Variants in LRRTM4 observed in about 807,000 individuals in gnomAD.
LRRTM4 encodes leucine-rich repeat transmembrane neuronal protein 4.
A neutral mutation model predicts 47.6 loss-of-function variants in LRRTM4; 25 were observed. That is an observed-to-expected ratio of 0.53 (90% confidence interval 0.38 to 0.73). LRRTM4 has a LOEUF of 0.73. LRRTM4 is among the 30% of genes least tolerant of loss of function. The pLI, the probability that LRRTM4 is intolerant of heterozygous loss-of-function variation, is 0.00. For missense variants in LRRTM4, 638 were observed against 713.4 expected (o/e 0.89, Z 1.20); for synonymous variants, 311 against 269.5 (o/e 1.15, Z -1.51).
intron 3 of LRRTM4, among the ~76,000 whole-genome samples, chr2:76,811,576 G>T (rs1024617807): frequency 1.3e-5 from 2 of 152,124 alleles, no homozygotes; most frequent in Admixed American, 1.3e-4. Context: ...TCAGTCAGGA[G>T]GTCTACCTTG....
intron 3 of LRRTM4, among the ~76,000 whole-genome samples, chr2:77,147,821 C>T (rs1238223302): frequency 1.3e-5 from 2 of 151,994 alleles, no homozygotes; most frequent in Admixed American, 6.6e-5. Flanking sequence ...AGAGATTATG[C>T]CAAATATGTA....
intron 3 of LRRTM4, among the ~76,000 whole-genome samples, chr2:77,427,811 C>T (rs1675181999): frequency 6.6e-6 from 1 of 152,136 alleles, no homozygotes; most frequent in Non-Finnish European, 1.5e-5. Context: ...ATCAATGTTA[C>T]TAATATTTAG....
chr2:77,308,371 A>T (rs981060491), intron 3 of LRRTM4, among the ~76,000 whole-genome samples: 5 of 152,032 alleles, frequency 3.3e-5, no homozygotes, highest in African/African-American at 1.2e-4. Flanking sequence ...TCTTGTCATG[A>T]TTATTACATT....
chr2:77,282,961 C>T (rs1303043614), intron 3 of LRRTM4, among the ~76,000 whole-genome samples: 2 of 151,710 alleles, frequency 1.3e-5, no homozygotes, highest in African/African-American at 2.4e-5. Flanking sequence ...AGGTCCTCAA[C>T]AGCAATTGCA....
chr2:76,858,225 A>G (rs7607019), intron 3 of LRRTM4, among the ~76,000 whole-genome samples: 62,133 of 151,970 alleles, frequency 0.41, 14,143 homozygotes, highest in East Asian at 0.63. Flanking sequence ...AAAGCAGGCT[A>G]CCCTGCCTAA....
At chr2:76,890,557 T>C (rs983214925) in intron 3 of LRRTM4, among the ~76,000 whole-genome samples, 4 of 151,932 alleles carry the variant, frequency 2.6e-5, no homozygotes, top group African/African-American at 9.7e-5. Context: ...CATTGAAATT[T>C]ATACCTTAAC....
At chr2:77,435,711 A>G (rs1055672809) in intron 3 of LRRTM4, among the ~76,000 whole-genome samples, 1 of 152,174 alleles carries the variant, frequency 6.6e-6, no homozygotes, top group Admixed American at 6.5e-5. Flanking sequence ...AGGACAGCCC[A>G]AAACGTTCCT....
intron 3 of LRRTM4, among the ~76,000 whole-genome samples, chr2:76,974,705 GAATT>G (rs1676359312): frequency 1.3e-5 from 2 of 151,566 alleles, no homozygotes; most frequent in African/African-American, 4.8e-5. Flanking sequence ...AAATTTGAGA[GAATT>G]AATTCAAATA....
At position 77,028,868 on chromosome 2, in the gene LRRTM4, T is replaced by C. The variant is rs1397021169; in HGVS notation, c.1552-279952A>G. Among the ~76,000 whole-genome samples the C allele has an allele frequency of 2.0e-5, 3 of 151,272 alleles. No individual in the cohort carries two copies. The East Asian group carries it at 5.9e-4, about 30-fold the overall frequency. Reference sequence around the variant, plus strand: ...GGCTAACACGGTGAAACCACATCTCTACTAAAAATACAAAAAATTAGCTGA... The same window carrying C: ...GGCTAACACGGTGAAACCACATCTCCACTAAAAATACAAAAAATTAGCTGA... On this transcript the variant is annotated intron_variant, in intron 3 of 3. Coordinates refer to ENST00000409884, the MANE Select transcript of LRRTM4 (RefSeq NM_001134745.3).
intron 3 of LRRTM4, among the ~76,000 whole-genome samples, chr2:76,999,983 T>A (rs1465495873): frequency 6.6e-6 from 1 of 152,154 alleles, no homozygotes; most frequent in Non-Finnish European, 1.5e-5. Flanking sequence ...ACAATGATAA[T>A]AGCTTCTTTC....
intron 3 of LRRTM4, among the ~76,000 whole-genome samples, chr2:76,773,225 C>T (rs2104119990): frequency 6.6e-6 from 1 of 152,298 alleles, no homozygotes; most frequent in African/African-American, 2.4e-5. Context: ...TCCATAAGCC[C>T]CAAGTAGCAA....
chr2:77,029,168 G>C (rs1048605681), intron 3 of LRRTM4, among the ~76,000 whole-genome samples: 1 of 151,122 alleles, frequency 6.6e-6, no homozygotes, highest in Non-Finnish European at 1.5e-5. Flanking sequence ...GATAACGTTA[G>C]TATTTAGAGG....
chr2:76,956,196 T>G (rs1207849211), intron 3 of LRRTM4, among the ~76,000 whole-genome samples: 1 of 151,634 alleles, frequency 6.6e-6, no homozygotes, highest in Non-Finnish European at 1.5e-5. Context: ...ACTTGTTAGG[T>G]CATAAAGCAA....
rs1226762494 is a variant in LRRTM4, at chr2:76,886,843, A to T, written c.1552-137927T>A. On this transcript the variant is annotated intron_variant, in intron 3 of 3. Coordinates refer to ENST00000409884, the MANE Select transcript of LRRTM4 (RefSeq NM_001134745.3). ...GATTTAAAAGAATGAAATAAATGAA[A>T]AGCTCATATTTTATTTTGAGAGGGT... Among the ~76,000 whole-genome samples the T allele has an allele frequency of 2.0e-5, 3 of 151,972 alleles. No individual in the cohort carries two copies. The East Asian group carries it at 5.8e-4, about 29-fold the overall frequency.
chr2:77,092,431 C>T (rs971114609), intron 3 of LRRTM4, among the ~76,000 whole-genome samples: 7 of 147,680 alleles, frequency 4.7e-5, no homozygotes, highest in African/African-American at 1.8e-4. Context: ...AAGCCACTAG[C>T]CTGCCTCTTA....
At position 77,233,560 on chromosome 2, in the gene LRRTM4, G is replaced by T. The variant is rs181220689; in HGVS notation, c.1551+284758C>A. On this transcript the variant is annotated intron_variant, in intron 3 of 3. Coordinates refer to ENST00000409884, the MANE Select transcript of LRRTM4 (RefSeq NM_001134745.3). The stretch of plus-strand genomic sequence containing the variant: ...GTTTATTTAATTTTCTACATATGAA[G>T]GTTTATATTTCAAGTTTTCTATATC... 2.7e-3 allele frequency among the ~76,000 whole-genome samples: 413 copies of T among 151,928 alleles called. 2 individuals carry two copies. The highest frequency in any genetic ancestry group is 9.5e-3 in the African/African-American group (394 of 41,404).
chr2:76,795,197 A>G lies in LRRTM4; in HGVS notation c.1552-46281T>C, dbSNP rs1274329593. On this transcript the variant is annotated intron_variant, in intron 3 of 3. Transcript: ENST00000409884. ...AACATAGAAAAAGGTGCCCGAATCC[A>G]CAAATAACCAAAGAAATTAAATTAA... Among the ~76,000 whole-genome samples, 5 of 152,220 alleles carry G rather than the reference A, an allele frequency of 3.3e-5. No individual in the cohort carries two copies. The East Asian group carries it at 9.6e-4, about 29-fold the overall frequency.
chr2:77,115,324 G>GTCATATT, intron 3 of LRRTM4, among the ~76,000 whole-genome samples: 1 of 152,004 alleles, frequency 6.6e-6, no homozygotes, highest in Non-Finnish European at 1.5e-5. Context: ...AGGGTGCACT[G>GTCATATT]GTTTCATATT....
chr2:77,042,294 G>A (rs892907465), intron 3 of LRRTM4, among the ~76,000 whole-genome samples: 3 of 151,440 alleles, frequency 2.0e-5, no homozygotes, highest in East Asian at 1.9e-4. Flanking sequence ...TAGAAAGAAA[G>A]AAATCAACAC....
Sources: allele counts gnomAD v4.1 joint callset (sites outside exome capture counted in the v4.1 genomes callset), GRCh38; gene constraint gnomAD v4.1.1; transcripts MANE v1.5; gene names NCBI Gene and HGNC (gene_info 2026-07-23, HGNC 2026-07-21).